Variants in ATP6V0B observed in about 807,000 individuals in gnomAD.
ATP6V0B encodes the protein V-type proton ATPase 21 kDa proteolipid subunit c''.
A neutral mutation model predicts 26.2 loss-of-function variants in ATP6V0B; 4 were observed. The ratio of observed to expected loss-of-function variants is 0.15; its 90% CI spans 0.08 to 0.35. The LOEUF (loss-of-function observed/expected upper bound fraction) is 0.35. Ranked by LOEUF, ATP6V0B falls within the 10% of genes least tolerant of loss-of-function variation. ATP6V0B has a pLI of 1.00. For synonymous variants in ATP6V0B, 110 were observed against 105.8 expected, an observed-to-expected ratio of 1.04 and a Z score of -0.24; for missense variants, 175 against 272.5, an observed-to-expected ratio of 0.64 and a Z score of 2.52.
At position 43,977,177 on chromosome 1, in the gene ATP6V0B, C is replaced by T. The variant is rs768131424; in HGVS notation, c.552C>T (p.Ser184=). ...TTCTCATCGTGGAGATCTTTGGCAG[C>T]GCCATTGGCCTCTTTGGGGTCATCG... is the stretch of plus-strand genomic sequence containing the variant. ...VKILIVEIFG[S]AIGLFGVIVA... Residue 184 remains serine (S), a synonymous_variant, in exon 7 of 8, where the codon AGC becomes AGT. Coordinates refer to ENST00000472174, the MANE Select transcript of ATP6V0B (RefSeq NM_004047.5). 1.7e-5 allele frequency: 27 copies of T among 1,614,150 alleles called. No homozygotes were observed. Among genetic ancestry groups the T allele is most frequent in the Admixed American group, 3.3e-5 (2 of 60,010 alleles).
At position 43,975,974 on chromosome 1, in the gene ATP6V0B, G is replaced by C. The variant is rs376487276; in HGVS notation, c.117-116G>C. The C allele has an allele frequency of 1.5e-5, 23 of 1,511,954 alleles. No homozygotes were observed. The East Asian group carries it at 1.6e-4, about 10-fold the overall frequency. 93.7% of individuals were successfully genotyped at this position (1,511,954 alleles called of 1,614,324 possible). A position where few individuals can be genotyped will look rare whatever the true frequency, so the allele number is the denominator to read the frequency against. ...GGACATGGACCTTTGGGAAATACGCGGTCAGTTGTTGCCTGTAGAACTGGT... is the reference window on the plus strand; with the variant it reads ...GGACATGGACCTTTGGGAAATACGCCGTCAGTTGTTGCCTGTAGAACTGGT... On this transcript the variant is annotated intron_variant, in intron 2 of 7. Transcript: ENST00000472174.
chr1:43,975,006 GCCCCGCCGTTCCGA>G lies in ATP6V0B; in HGVS notation c.-30_-17del. 7.9e-7 allele frequency: 1 copy of G among 1,260,508 alleles called. No individual in the cohort carries two copies. The highest frequency in any genetic ancestry group is 1.0e-6 in the Non-Finnish European group (1 of 999,330). 78.1% of individuals were successfully genotyped at this position (1,260,508 alleles called of 1,614,324 possible). A position where few individuals can be genotyped will look rare whatever the true frequency, so the allele number is the denominator to read the frequency against. ...ACGCTGGGACGCGTTTGTAGCTCCG[GCCCCGCCGTTCCGA>G]CCCCCGCCGCCGTCGCCGCCATGAC... On this transcript the variant is annotated 5_prime_UTR_variant, in exon 1 of 8. Coordinates refer to ENST00000472174, the MANE Select transcript of ATP6V0B (RefSeq NM_004047.5).
Position 43,977,227 on chromosome 1 carries a change from C to T in ATP6V0B, c.591+11C>T, listed in dbSNP as rs2085530094. On this transcript the variant is annotated intron_variant, in intron 7 of 7. Coordinates refer to ENST00000472174, the MANE Select transcript of ATP6V0B (RefSeq NM_004047.5). ...GTCGCAATTCTTCAGGTGATGAATC[C>T]CCTTGGGAAGCCTCTGTGTCCTTGT... The T allele has an allele frequency of 6.8e-6, 11 of 1,614,132 alleles. No individual in the cohort carries two copies. The highest frequency in any genetic ancestry group is 9.3e-6 in the Non-Finnish European group (11 of 1,180,022).
At position 43,975,021 on chromosome 1, in the gene ATP6V0B, C is replaced by T. The variant is rs1352646624; in HGVS notation, c.-20C>T. On this transcript the variant is annotated 5_prime_UTR_variant, in exon 1 of 8. Transcript: ENST00000472174. ...TGTAGCTCCGGCCCCGCCGTTCCGA[C>T]CCCCGCCGCCGTCGCCGCCATGACG... 2.4e-6 allele frequency: 3 copies of T among 1,266,658 alleles called. No individual in the cohort carries two copies. Among genetic ancestry groups the T allele is most frequent in the Admixed American group, 4.2e-5 (1 of 23,986 alleles). 78.5% of individuals were successfully genotyped at this position (1,266,658 alleles called of 1,614,324 possible).
rs2085534667 is a variant in ATP6V0B, at chr1:43,977,480, T to A, written c.591+264T>A. On this transcript the variant is annotated intron_variant, in intron 7 of 7. Coordinates refer to ENST00000472174, the MANE Select transcript of ATP6V0B (RefSeq NM_004047.5). ...TGTATAGCACTTAGTCCTCCCTCTT[T>A]CTGTTCTCTCATTTTATCTGCCATG... The A allele has an allele frequency of 7.0e-6, 10 of 1,430,744 alleles. No individual in the cohort carries two copies. The Admixed American group carries it at 2.7e-4, about 39-fold the overall frequency. The allele number at this position is 1,430,744 out of a possible 1,614,324, so 88.6% of individuals were successfully genotyped here.
In ATP6V0B at chr1:43,977,160, G is replaced by T; in HGVS notation, c.535G>T (p.Val179Leu). ...NPSLFVKILIVEIFGSAIGLF... is the reference protein window; with the variant it reads ...NPSLFVKILILEIFGSAIGLF... ...CAGCCTCTTTGTAAAGATTCTCATC[G>T]TGGAGATCTTTGGCAGCGCCATTGG... is the stretch of plus-strand genomic sequence containing the variant. Residue 179 changes from valine to leucine, a missense_variant, in exon 7 of 8, where the codon GTG (valine) becomes TTG (leucine). Transcript: ENST00000472174. The T allele has an allele frequency of 6.2e-7, 1 of 1,614,240 alleles. No individual in the cohort carries two copies. Among genetic ancestry groups the T allele is most frequent in the Non-Finnish European group, 8.5e-7 (1 of 1,180,052 alleles).
At chr1:43,975,170 G>A in intron 1 of ATP6V0B, 63 bp downstream of exon 1, 1 of 1,401,628 alleles carries the variant, frequency 7.1e-7, no homozygotes, top group Non-Finnish European at 9.3e-7. Flanking sequence ...TCGGAACTCG[G>A]CGGGGAAGTG....
rs1261694939 is a variant in ATP6V0B, at chr1:43,977,202, G to A, written c.577G>A (p.Val193Ile). ...GSAIGLFGVI[V>I]AILQTSRVKM... is the part of the protein sequence containing the mutation. Reference sequence around the variant, plus strand: ...CGCCATTGGCCTCTTTGGGGTCATCGTCGCAATTCTTCAGGTGATGAATCC... The same window carrying A: ...CGCCATTGGCCTCTTTGGGGTCATCATCGCAATTCTTCAGGTGATGAATCC... The change falls in exon 7 of 8, where the codon GTC becomes ATC. Residue 193 changes from valine to isoleucine, a missense_variant. By Grantham distance (29) the Val-to-Ile change is conservative. Transcript: ENST00000472174. 3 of 1,614,216 alleles carry A rather than the reference G, an allele frequency of 1.9e-6. No homozygotes were observed. The highest frequency in any genetic ancestry group is 2.2e-5 in the East Asian group (1 of 44,888).
rs1483871921 is a variant in ATP6V0B at position 43,976,083 on chromosome 1, A to T, written c.117-7A>T. 1 of 1,613,730 alleles carries T rather than the reference A, an allele frequency of 6.2e-7. No individual in the cohort carries two copies. ...CTGAACTGCTTTCTTCTCTGCTTCC[A>T]CAACAGGTTCCTGACGGAGACTTCG... On this transcript the variant is annotated splice_region_variant and splice_polypyrimidine_tract_variant and intron_variant, in intron 2 of 7. Transcript: ENST00000472174. The surrounding 1 kb of genome is among the most constrained non-coding windows in gnomAD (Gnocchi z 4.6).
intron 1 of ATP6V0B, chr1:43,975,505 G>A: frequency 1.8e-6 from 1 of 563,942 alleles, no homozygotes; most frequent in Non-Finnish European, 3.1e-6. Flanking sequence ...GAACGGACTG[G>A]GCCGGCGGGA....
chr1:43,978,208 T>G lies in ATP6V0B; in HGVS notation c.*201T>G. 1 of 682,986 alleles carries G rather than the reference T, an allele frequency of 1.5e-6. No individual in the cohort carries two copies. Among genetic ancestry groups the G allele is most frequent in the Non-Finnish European group, 2.5e-6 (1 of 396,448 alleles). The allele number at this position is 682,986 out of a possible 1,614,324, so 42.3% of individuals were successfully genotyped here. A position where few individuals can be genotyped will look rare whatever the true frequency, so the allele number is the denominator to read the frequency against. On this transcript the variant is annotated 3_prime_UTR_variant, in exon 8 of 8. Transcript: ENST00000472174. The stretch of plus-strand genomic sequence containing the variant: ...GGGAGCAGGCTGCTGCTGCTGACTC[T>G]GTGCAGCTGCGCACCTGTGTCCCCC...
At position 43,976,740 on chromosome 1, in the gene ATP6V0B, G is replaced by A; in HGVS notation, c.349-33G>A. 6.2e-7 allele frequency: 1 copy of A among 1,613,942 alleles called. No homozygotes were observed. The highest frequency in any genetic ancestry group is 1.1e-5 in the South Asian group (1 of 91,038). Reference sequence around the variant, plus strand: ...TTAGAGATTGGATGGGGTGCATCAGGATGGTTTCTGATTACTTTTCTTCTT... The same window carrying A: ...TTAGAGATTGGATGGGGTGCATCAGAATGGTTTCTGATTACTTTTCTTCTT... On this transcript the variant is annotated intron_variant, in intron 5 of 7. Coordinates refer to ENST00000472174, the MANE Select transcript of ATP6V0B (RefSeq NM_004047.5). The surrounding 1 kb of genome is among the most constrained non-coding windows in gnomAD (Gnocchi z 4.6).
At chr1:43,975,646 G>T (rs1210179100) in intron 1 of ATP6V0B, 154 bp from the exon 2 acceptor site, 3 of 809,478 alleles carry the variant, frequency 3.7e-6, no homozygotes, top group Non-Finnish European at 6.2e-6. Context: ...GGCCTAAGCA[G>T]AGGAATCTGT....
Position 43,976,849 on chromosome 1 carries a change from A to C in ATP6V0B, c.400+25A>C, listed in dbSNP as rs12410334. ...GGTGGGTGGATGGGCGTATGAATGC[A>C]AAATGCTGGGACTTCATGCCTGCTT... On this transcript the variant is annotated intron_variant, in intron 6 of 7. Coordinates refer to ENST00000472174, the MANE Select transcript of ATP6V0B (RefSeq NM_004047.5). The surrounding 1 kb of genome is among the most constrained non-coding windows in gnomAD (Gnocchi z 4.6). 1,248,740 of 1,613,184 alleles carry C rather than the reference A, an allele frequency of 0.77. 500,080 individuals are homozygous for C. Among genetic ancestry groups the C allele is most frequent in the Non-Finnish European group, 0.83 (977,636 of 1,179,340 alleles).
intron 7 of ATP6V0B, 166 bp downstream of exon 7, chr1:43,977,382 C>G (rs374350405): frequency 2.6e-6 from 4 of 1,520,726 alleles, no homozygotes; most frequent in African/African-American, 1.4e-5. Flanking sequence ...CAGGGGCTCT[C>G]TATTTTTGTC....
intron 1 of ATP6V0B, chr1:43,975,443 T>G (rs920172267): frequency 2.7e-5 from 15 of 548,350 alleles, no homozygotes; most frequent in African/African-American, 2.2e-4. Flanking sequence ...CCGGTTCCTC[T>G]TTTCCCAGTC....
At position 43,974,974 on chromosome 1, in the gene ATP6V0B, A is replaced by C. The variant is rs935358675; in HGVS notation, c.-67A>C. On this transcript the variant is annotated 5_prime_UTR_variant, in exon 1 of 8. Coordinates refer to ENST00000472174, the MANE Select transcript of ATP6V0B (RefSeq NM_004047.5). ...GGCGGGCGGACAGACTGCGGGACGG[A>C]CGGTGGACGCTGGGACGCGTTTGTA... The C allele has an allele frequency of 8.4e-7, 1 of 1,185,896 alleles. No homozygotes were observed. The highest frequency in any genetic ancestry group is 1.6e-5 in the African/African-American group (1 of 63,012). The allele number at this position is 1,185,896 out of a possible 1,614,324, so 73.5% of individuals were successfully genotyped here.
At position 43,975,776 on chromosome 1, in the gene ATP6V0B, C is replaced by T. The variant is rs770622316; in HGVS notation, c.68-24C>T. On this transcript the variant is annotated intron_variant, in intron 1 of 7. Transcript: ENST00000472174. Reference sequence around the variant, plus strand: ...CTCTCTACCGAGCAGCCCGTAACCCCCTTTTTCTCCCTCACTGCTGCAGGA... The same window carrying T: ...CTCTCTACCGAGCAGCCCGTAACCCTCTTTTTCTCCCTCACTGCTGCAGGA... 8 of 1,584,718 alleles carry T rather than the reference C, an allele frequency of 5.0e-6. No homozygotes were observed. The East Asian group carries it at 1.8e-4, about 36-fold the overall frequency.
intron 1 of ATP6V0B, chr1:43,975,450 A>T: frequency 1.8e-6 from 1 of 543,254 alleles, no homozygotes; most frequent in Non-Finnish European, 3.2e-6. Flanking sequence ...CTCTTTTCCC[A>T]GTCGCTTTGC....
Sources: allele counts gnomAD v4.1 joint callset, GRCh38; gene constraint gnomAD v4.1.1; non-coding constraint Gnocchi (gnomAD v3.1); transcripts MANE v1.5; gene names NCBI Gene and HGNC (gene_info 2026-07-23, HGNC 2026-07-21).